PPM1L: variants seen among roughly 807,000 people sequenced by gnomAD.
The protein encoded by PPM1L is protein phosphatase, Mg2+/Mn2+ dependent 1L, also known as protein phosphatase 1L.
PPM1L carries 13 observed loss-of-function variants against 31.4 expected under a neutral mutation model. The ratio of observed to expected loss-of-function variants is 0.41; its 90% CI spans 0.27 to 0.66. The LOEUF is 0.66. PPM1L is among the 30% of genes least tolerant of loss of function. The pLI, the probability that PPM1L is intolerant of heterozygous loss-of-function variation, is 0.29. For missense variants in PPM1L, 326 were observed against 453.7 expected (o/e 0.72, Z 2.56); for synonymous variants, 184 against 175.4 (o/e 1.05, Z -0.39).
chr3:161,004,850 CTCTGATTTTAGTCATT>C (rs1292361192), intron 2 of PPM1L, among the ~76,000 whole-genome samples: 2 of 152,068 alleles, frequency 1.3e-5, no homozygotes, highest in African/African-American at 4.8e-5. Flanking sequence ...TTCAGTTCTG[CTCTGATTTTAGTCATT>C]TCTTGCCTTC....
intron 1 of PPM1L, among the ~76,000 whole-genome samples, chr3:160,926,149 T>A (rs112576077): frequency 2.0e-4 from 31 of 152,302 alleles, no homozygotes; most frequent in African/African-American, 6.3e-4. Flanking sequence ...TATACCTACC[T>A]GCCCCTTTGC....
At chr3:161,047,602 T>G (rs374494861) in intron 2 of PPM1L, among the ~76,000 whole-genome samples, 44 of 152,092 alleles carry the variant, frequency 2.9e-4, no homozygotes, top group African/African-American at 7.2e-4. Context: ...AGTTCATATG[T>G]AACCAAAAAA....
chr3:161,066,978 A>G (rs1719760268), intron 3 of PPM1L, among the ~76,000 whole-genome samples: 1 of 152,210 alleles, frequency 6.6e-6, no homozygotes, highest in South Asian at 2.1e-4. Flanking sequence ...GGATGAAACG[A>G]ATGATATTTT....
chr3:160,906,085 T>A (rs1055906604), intron 1 of PPM1L, among the ~76,000 whole-genome samples: 1 of 152,124 alleles, frequency 6.6e-6, no homozygotes, highest in African/African-American at 2.4e-5. Context: ...ATTATTTTTT[T>A]AGGAAAGACC....
chr3:161,048,976 T>C lies in PPM1L; in HGVS notation c.575-16427T>C, dbSNP rs563217749. Among the ~76,000 whole-genome samples, 153 of 149,948 alleles carry C rather than the reference T, an allele frequency of 1.0e-3. 1 individual carries two copies. Among genetic ancestry groups the C allele is most frequent in the African/African-American group, 3.6e-3 (145 of 40,788 alleles). ...GGATAGCATTATGAGATATACCTAA[T>C]GTAAATGACGAGTTAATGGGTGCAG... On this transcript the variant is annotated intron_variant, in intron 2 of 3. Coordinates refer to ENST00000498165, the MANE Select transcript of PPM1L (RefSeq NM_139245.4).
chr3:161,024,938 C>T (rs946884288), intron 2 of PPM1L, among the ~76,000 whole-genome samples: 5 of 152,200 alleles, frequency 3.3e-5, no homozygotes, highest in Non-Finnish European at 7.3e-5. Flanking sequence ...GTTAAAACAA[C>T]ACAAAGCTCA....
chr3:160,953,894 G>A (rs1281640579), intron 1 of PPM1L, among the ~76,000 whole-genome samples: 1 of 152,142 alleles, frequency 6.6e-6, no homozygotes, highest in Non-Finnish European at 1.5e-5. Context: ...CAGCATTGAA[G>A]GCATGTTTTT....
chr3:160,901,033 TC>T (rs1713521076), intron 1 of PPM1L, among the ~76,000 whole-genome samples: 2 of 152,144 alleles, frequency 1.3e-5, no homozygotes, highest in Non-Finnish European at 2.9e-5. Flanking sequence ...TTGCTTTTGT[TC>T]ATCTCCCCAG....
rs1719879705 is a variant in PPM1L, at chr3:161,070,670, T to C, written c.*1513T>C. On this transcript the variant is annotated 3_prime_UTR_variant, in exon 4 of 4. Transcript: ENST00000498165. ...ACTTCCGTTGCCTCCCAGCCCTCTG[T>C]ATCCACCTGGTTTTGTTCTTTCCCT... is the stretch of plus-strand genomic sequence containing the variant. The C allele has an allele frequency of 2.6e-5, 4 of 152,216 alleles. No individual in the cohort carries two copies. Among genetic ancestry groups the C allele is most frequent in the South Asian group, 2.1e-4 (1 of 4,818 alleles). 9.4% of individuals were successfully genotyped at this position (152,216 alleles called of 1,614,324 possible). A position where few individuals can be genotyped will look rare whatever the true frequency, so the allele number is the denominator to read the frequency against.
At chr3:160,837,333 A>G (rs1353827705) in intron 1 of PPM1L, among the ~76,000 whole-genome samples, 1 of 152,210 alleles carries the variant, frequency 6.6e-6, no homozygotes, top group Non-Finnish European at 1.5e-5. Flanking sequence ...AGAAACAAAA[A>G]TGATACTGTT....
At chr3:160,816,229 G>A (rs1350476548) in intron 1 of PPM1L, among the ~76,000 whole-genome samples, 9 of 151,594 alleles carry the variant, frequency 5.9e-5, no homozygotes, top group African/African-American at 2.2e-4. Flanking sequence ...GTGTCTATGT[G>A]TGTGTACATT....
chr3:160,771,570 T>A (rs112848123), intron 1 of PPM1L, among the ~76,000 whole-genome samples: 106 of 139,324 alleles, frequency 7.6e-4, no homozygotes, highest in East Asian at 4.4e-3. Flanking sequence ...TTTTTTTTTT[T>A]AAAAAGAGCA....
chr3:160,972,202 C>CT (rs143474048), intron 2 of PPM1L, among the ~76,000 whole-genome samples: 13,467 of 151,832 alleles, frequency 0.089, 962 homozygotes, highest in African/African-American at 0.19. Flanking sequence ...CAGACTTAAT[C>CT]TTTTTTTTTA....
At chr3:160,917,024 A>G (rs1054379319) in intron 1 of PPM1L, among the ~76,000 whole-genome samples, 2 of 152,220 alleles carry the variant, frequency 1.3e-5, no homozygotes, top group Admixed American at 6.5e-5. Context: ...GGAAGAACAC[A>G]GGCACTACTT....
chr3:160,959,441 A>G (rs1715883384), intron 1 of PPM1L, among the ~76,000 whole-genome samples: 1 of 152,226 alleles, frequency 6.6e-6, no homozygotes, highest in South Asian at 2.1e-4. Context: ...CCCAAAAACT[A>G]CTGAAATAAA....
chr3:160,956,299 T>G (rs1333640893), intron 1 of PPM1L, among the ~76,000 whole-genome samples: 10 of 152,208 alleles, frequency 6.6e-5, no homozygotes, highest in Admixed American at 6.5e-4. Context: ...TGCCCTGCCT[T>G]GTAAGTTTTT....
At chr3:161,029,183 T>C (rs75466763) in intron 2 of PPM1L, among the ~76,000 whole-genome samples, 113 of 152,348 alleles carry the variant, frequency 7.4e-4, no homozygotes, top group African/African-American at 2.4e-3. Flanking sequence ...GAAACATTTA[T>C]TGAGTGCTTC....
intron 1 of PPM1L, among the ~76,000 whole-genome samples, chr3:160,804,470 T>C (rs1712537219): frequency 6.6e-6 from 1 of 152,226 alleles, no homozygotes; most frequent in Non-Finnish European, 1.5e-5. Context: ...ATATGTTTTC[T>C]CTTTTTGAGA....
chr3:160,764,526 G>T (rs1715056532), intron 1 of PPM1L, among the ~76,000 whole-genome samples: 1 of 149,812 alleles, frequency 6.7e-6, no homozygotes, highest in Admixed American at 6.6e-5. Context: ...GAGTGCAATG[G>T]CACGATCTAG....
Sources: gnomAD v4.1 joint callset for allele counts (sites outside exome capture counted in the v4.1 genomes callset) on GRCh38, gnomAD v4.1.1 for gene constraint, MANE v1.5 for transcripts, NCBI Gene and HGNC (gene_info 2026-07-23, HGNC 2026-07-21) for gene names.